MICU2: variants seen among roughly 807,000 people sequenced by gnomAD.
MICU2 encodes calcium uptake protein 2, mitochondrial.
In MICU2, 64 loss-of-function variants were observed where a neutral mutation model predicts 60.4. That is an observed-to-expected ratio of 1.06 (90% CI 0.87 to 1.31). The LOEUF (loss-of-function observed/expected upper bound fraction) is 1.31, where lower values mean the gene tolerates loss of function less well. Among genes scored for constraint, MICU2 ranks in the 50% most tolerant of loss-of-function variants. MICU2 has a pLI of 0.00. For missense variants in MICU2, 569 were observed against 531.0 expected, an observed-to-expected ratio of 1.07 and a Z score of -0.70; for synonymous variants, 201 against 175.0, an observed-to-expected ratio of 1.15 and a Z score of -1.17.
intron 1 of MICU2, among the ~76,000 whole-genome samples, chr13:21,574,319 G>A (rs1404912512): frequency 6.6e-6 from 1 of 152,170 alleles, no homozygotes; most frequent in Non-Finnish European, 1.5e-5. Context: ...GCTGGGATTT[G>A]GGGCTATACT....
chr13:21,599,082 A>C (rs1888759640), intron 1 of MICU2, among the ~76,000 whole-genome samples: 1 of 152,216 alleles, frequency 6.6e-6, no homozygotes, highest in African/African-American at 2.4e-5. Flanking sequence ...CTAATGCCTG[A>C]TGATCTGAGG....
intron 4 of MICU2, among the ~76,000 whole-genome samples, chr13:21,530,276 C>T (rs1205152781): frequency 6.6e-6 from 1 of 152,144 alleles, no homozygotes; most frequent in East Asian, 1.9e-4. Flanking sequence ...ATCCTTACAG[C>T]CATTTACTGT....
chr13:21,507,130 C>T (rs1347879828), intron 8 of MICU2, among the ~76,000 whole-genome samples: 1 of 152,102 alleles, frequency 6.6e-6, no homozygotes, highest in Non-Finnish European at 1.5e-5. Context: ...TGAAAAATTT[C>T]ATTTTTAAAG....
intron 1 of MICU2, among the ~76,000 whole-genome samples, chr13:21,569,917 C>G (rs1345039486): frequency 1.3e-5 from 2 of 151,682 alleles, no homozygotes; most frequent in African/African-American, 4.8e-5. Flanking sequence ...CCCACTGTCT[C>G]AACCACGATC....
chr13:21,540,628 A>G (rs1887258091), intron 2 of MICU2, among the ~76,000 whole-genome samples: 1 of 152,178 alleles, frequency 6.6e-6, no homozygotes, highest in South Asian at 2.1e-4. Context: ...ATTATTAGTC[A>G]AAACATTACT....
intron 7 of MICU2, 137 bp from the exon 8 acceptor site, chr13:21,510,238 A>T (rs1016031048): frequency 7.2e-6 from 3 of 415,182 alleles, no homozygotes; most frequent in Non-Finnish European, 1.2e-5. Flanking sequence ...GTTGTAAAAG[A>T]GGGATAGAGC....
intron 1 of MICU2, among the ~76,000 whole-genome samples, chr13:21,598,376 GT>G (rs1888741251): frequency 6.6e-6 from 1 of 152,108 alleles, no homozygotes. Context: ...TGGCTTTGCT[GT>G]TTTTACTTTT....
rs559498014 is a variant in MICU2 at position 21,590,549 on chromosome 13, T to C, written c.210+13390A>G. ...TAAAACATGTTCCTATTCTTATTCT[T>C]CACACCCAGGAACTGAAAATGTTAA... On this transcript the variant is annotated intron_variant, in intron 1 of 11. Coordinates refer to ENST00000382374, the MANE Select transcript of MICU2 (RefSeq NM_152726.3). Among the ~76,000 whole-genome samples the C allele has an allele frequency of 3.9e-5, 6 of 152,360 alleles. No homozygotes were observed. The South Asian group carries it at 1.2e-3, about 32-fold the overall frequency.
chr13:21,560,621 AAAAC>A (rs953390342), intron 2 of MICU2, among the ~76,000 whole-genome samples: 25 of 93,402 alleles, frequency 2.7e-4, no homozygotes, highest in Admixed American at 4.3e-4. Context: ...AGCTTGTCAA[AAAAC>A]ACACACACAC....
intron 2 of MICU2, among the ~76,000 whole-genome samples, chr13:21,561,256 A>G (rs573339842): frequency 6.6e-6 from 1 of 152,266 alleles, no homozygotes; most frequent in East Asian, 1.9e-4. Context: ...TAGCTTCAGA[A>G]TGTATATTCT....
At chr13:21,560,335 AACTGCACTAGTACCATTCG>A (rs1887810950) in intron 2 of MICU2, among the ~76,000 whole-genome samples, 1 of 106,408 alleles carries the variant, frequency 9.4e-6, no homozygotes, top group Non-Finnish European at 2.2e-5. Flanking sequence ...ACCATTATCC[AACTGCACTAGTACCATTCG>A]TTGAACAGTC....
intron 2 of MICU2, among the ~76,000 whole-genome samples, chr13:21,556,065 ATC>A (rs146764588): frequency 6.8e-4 from 104 of 152,146 alleles, no homozygotes; most frequent in Non-Finnish European, 9.6e-4. Context: ...CTACTGCTTC[ATC>A]TCTCTCTTTC....
intron 4 of MICU2, chr13:21,530,815 G>C (rs1886977303): frequency 4.1e-6 from 3 of 724,874 alleles, no homozygotes; most frequent in South Asian, 3.1e-5. Flanking sequence ...CCGAGGCCAG[G>C]CAAGCCGTGG....
intron 9 of MICU2, among the ~76,000 whole-genome samples, chr13:21,498,266 C>T (rs1269761883): frequency 1.3e-5 from 2 of 150,770 alleles, no homozygotes; most frequent in Non-Finnish European, 2.9e-5. Context: ...ATTCAAACAA[C>T]ATGAAGGATA....
chr13:21,523,007 G>A (rs1886756356), intron 4 of MICU2, among the ~76,000 whole-genome samples: 3 of 152,082 alleles, frequency 2.0e-5, no homozygotes, highest in Admixed American at 2.0e-4. Flanking sequence ...TCTCCGCAGT[G>A]TGGGTGGGCA....
chr13:21,551,900 G>C (rs1333927821), intron 2 of MICU2, among the ~76,000 whole-genome samples: 1 of 152,070 alleles, frequency 6.6e-6, no homozygotes, highest in Non-Finnish European at 1.5e-5. Flanking sequence ...ACATACGTGT[G>C]CATGTGTCTT....
chr13:21,567,435 G>A (rs1004165817), intron 1 of MICU2, among the ~76,000 whole-genome samples: 1 of 152,120 alleles, frequency 6.6e-6, no homozygotes, highest in African/African-American at 2.4e-5. Context: ...GAAAGGCCAC[G>A]TTACCAGAGT....
At chr13:21,544,533 A>AAC (rs1315386719) in intron 2 of MICU2, among the ~76,000 whole-genome samples, 1 of 67,628 alleles carries the variant, frequency 1.5e-5, no homozygotes, top group African/African-American at 4.1e-5. Flanking sequence ...AAAAAAAAAA[A>AAC]ACTCAATACC....
At chr13:21,495,574 C>T (rs929662408) in intron 10 of MICU2, 21 of 342,020 alleles carry the variant, frequency 6.1e-5, no homozygotes, top group South Asian at 1.3e-4. Context: ...TCTTGCTCGT[C>T]GCCCAGGCTG....
Sources: gnomAD v4.1 joint callset for allele counts (sites outside exome capture counted in the v4.1 genomes callset) on GRCh38, gnomAD v4.1.1 for gene constraint, MANE v1.5 for transcripts, NCBI Gene and HGNC (gene_info 2026-07-23, HGNC 2026-07-21) for gene names.